Variants in PPP1R1C observed in about 807,000 individuals in gnomAD.
PPP1R1C encodes the protein protein phosphatase 1 regulatory subunit 1C.
In PPP1R1C, 15 loss-of-function variants were observed where a neutral mutation model predicts 17.4. The ratio of observed to expected loss-of-function variants is 0.86; its 90% CI spans 0.58 to 1.33. The LOEUF is 1.33. Ranked by LOEUF, PPP1R1C falls within the 40% of genes most tolerant of loss-of-function variation. PPP1R1C has a pLI of 0.00. For missense variants in PPP1R1C, 143 were observed against 130.0 expected (o/e 1.10, Z -0.48); for synonymous variants, 35 against 43.1 (o/e 0.81, Z 0.73).
intron 2 of PPP1R1C, among the ~76,000 whole-genome samples, chr2:182,029,976 C>T (rs1686762498): frequency 1.1e-5 from 1 of 89,160 alleles, no homozygotes; most frequent in African/African-American, 4.6e-5. Flanking sequence ...TCTTCCATTG[C>T]TGATACCCTT....
chr2:182,059,816 G>A (rs1687797642), intron 2 of PPP1R1C, among the ~76,000 whole-genome samples: 1 of 151,976 alleles, frequency 6.6e-6, no homozygotes, highest in African/African-American at 2.4e-5. Context: ...GTTTTAGTGG[G>A]CATTGTAGTG....
At chr2:182,106,940 G>C (rs899105267) in intron 4 of PPP1R1C, among the ~76,000 whole-genome samples, 1 of 152,064 alleles carries the variant, frequency 6.6e-6, no homozygotes, top group African/African-American at 2.4e-5. Context: ...TGCCCTTCGA[G>C]GGGTATAAGG....
rs116376272 is a variant in PPP1R1C, at chr2:182,123,012, C to T, written c.*6+5711C>T. ...TAATGCTATCCCTCCTCTAGCCCCC[C>T]GCCTTGACAGGCCCCTGTGTGTGAT... is the stretch of plus-strand genomic sequence containing the variant. On this transcript the variant is annotated intron_variant, in intron 5 of 5. Coordinates refer to the PPP1R1C transcript ENST00000280295. Among the ~76,000 whole-genome samples, 17 of 152,270 alleles carry T rather than the reference C, an allele frequency of 1.1e-4. No homozygotes were observed. In the South Asian group the frequency reaches 2.9e-3, roughly 26 times the overall value.
chr2:182,084,400 C>T (rs1361699237), intron 4 of PPP1R1C, among the ~76,000 whole-genome samples: 1 of 151,878 alleles, frequency 6.6e-6, no homozygotes. Context: ...ATGATTTCAA[C>T]TGTTAGATGT....
intron 1 of PPP1R1C, among the ~76,000 whole-genome samples, chr2:181,969,097 G>A (rs367639524): frequency 7.9e-5 from 12 of 152,036 alleles, no homozygotes; most frequent in African/African-American, 2.7e-4. Context: ...TTTTTGATAG[G>A]TTTATTGTTT....
At chr2:182,099,466 A>T (rs1689038145) in intron 4 of PPP1R1C, among the ~76,000 whole-genome samples, 1 of 152,236 alleles carries the variant, frequency 6.6e-6, no homozygotes, top group African/African-American at 2.4e-5. Context: ...GAGGTAAGTC[A>T]TGCTTAAACA....
intron 2 of PPP1R1C, among the ~76,000 whole-genome samples, chr2:181,989,761 GCAAATA>G (rs1273788463): frequency 2.0e-5 from 3 of 151,960 alleles, no homozygotes. Flanking sequence ...CAAATTAGAT[GCAAATA>G]GCATCTCACA....
chr2:182,070,800 C>T (rs1000259823), intron 4 of PPP1R1C, among the ~76,000 whole-genome samples: 7 of 152,158 alleles, frequency 4.6e-5, no homozygotes, highest in Admixed American at 6.5e-5. Context: ...AGCACCTGCT[C>T]GGCTTCTGGG....
chr2:182,084,696 T>C (rs1179499742), intron 4 of PPP1R1C, among the ~76,000 whole-genome samples: 2 of 152,190 alleles, frequency 1.3e-5, no homozygotes, highest in African/African-American at 4.8e-5. Context: ...TTGGCTAATG[T>C]GATGCCACCA....
In PPP1R1C at chr2:181,987,916, T is replaced by C; in HGVS notation, c.142+17T>C. 1 of 1,586,956 alleles carries C rather than the reference T, an allele frequency of 6.3e-7. No homozygotes were observed. Among genetic ancestry groups the C allele is most frequent in the Non-Finnish European group, 8.6e-7 (1 of 1,157,058 alleles). On this transcript the variant is annotated intron_variant, in intron 2 of 4. Transcript: ENST00000682840. ...ACCCCCCAGGTAAAGAAGCATGATG[T>C]GTTTCACACTGATGGAACAGAATGG...
At chr2:182,107,140 A>G (rs546655071) in intron 4 of PPP1R1C, among the ~76,000 whole-genome samples, 324 of 152,344 alleles carry the variant, frequency 2.1e-3, no homozygotes, top group African/African-American at 7.6e-3. Context: ...AAATTCTTCC[A>G]ATGGTAATAC....
chr2:182,097,879 T>C (rs1208351663), intron 4 of PPP1R1C, among the ~76,000 whole-genome samples: 1 of 152,182 alleles, frequency 6.6e-6, no homozygotes, highest in Non-Finnish European at 1.5e-5. Context: ...GAGGGTTTCA[T>C]ATCAAATACT....
chr2:182,043,627 T>C (rs578171890), intron 2 of PPP1R1C, among the ~76,000 whole-genome samples: 1 of 152,334 alleles, frequency 6.6e-6, no homozygotes, highest in African/African-American at 2.4e-5. Flanking sequence ...GACAACTTCA[T>C]GCCTACCCTG....
intron 4 of PPP1R1C, among the ~76,000 whole-genome samples, chr2:182,071,762 A>G (rs1455061112): frequency 1.3e-5 from 2 of 152,220 alleles, no homozygotes; most frequent in Admixed American, 6.5e-5. Context: ...ACTTTGGATT[A>G]TAACTCAATA....
chr2:181,986,229 A>G (rs1685294533), intron 1 of PPP1R1C, 38 bp downstream of exon 1: 3 of 1,436,880 alleles, frequency 2.1e-6, no homozygotes, highest in East Asian at 2.3e-5. Flanking sequence ...CCTGTACATA[A>G]GGTAATATGA....
chr2:182,027,680 G>A (rs890940663), intron 2 of PPP1R1C, among the ~76,000 whole-genome samples: 1 of 149,926 alleles, frequency 6.7e-6, no homozygotes, highest in African/African-American at 2.5e-5. Context: ...CTCTTTTTTG[G>A]TTGTGTCTCT....
At chr2:182,058,461 T>C (rs1214424723) in intron 2 of PPP1R1C, among the ~76,000 whole-genome samples, 3 of 152,096 alleles carry the variant, frequency 2.0e-5, no homozygotes, top group Non-Finnish European at 4.4e-5. Flanking sequence ...TTTCCCACCA[T>C]AAAGATACTC....
At position 182,061,149 on chromosome 2, in the gene PPP1R1C, C is replaced by T. The variant is rs561550581; in HGVS notation, c.143-293C>T. ...ACCTTAACTGTGAGGCTGATGACAC[C>T]TAACTTTGTTCCAAGAGTCACTTCC... On this transcript the variant is annotated intron_variant, in intron 2 of 4. Transcript: ENST00000682840. Among the ~76,000 whole-genome samples the T allele has an allele frequency of 3.3e-5, 5 of 152,136 alleles. No individual in the cohort carries two copies. In the East Asian group the frequency reaches 7.7e-4, roughly 24 times the overall value.
intron 2 of PPP1R1C, among the ~76,000 whole-genome samples, chr2:182,059,435 A>T (rs898027227): frequency 6.6e-6 from 1 of 151,828 alleles, no homozygotes; most frequent in African/African-American, 2.4e-5. Flanking sequence ...TTCATGTGGG[A>T]TCCAGTTTCC....
Sources: allele counts gnomAD v4.1 joint callset (sites outside exome capture counted in the v4.1 genomes callset), GRCh38; gene constraint gnomAD v4.1.1; transcripts MANE v1.5; gene names NCBI Gene and HGNC (gene_info 2026-07-23, HGNC 2026-07-21).